The following UBAC2 variants were observed in gnomAD, a reference collection of about 807,000 sequenced individuals.
UBAC2 encodes UBA domain containing 2.
In UBAC2, 26 loss-of-function variants were observed where a neutral mutation model predicts 44.0. The ratio of observed to expected loss-of-function variants is 0.59; its 90% CI spans 0.43 to 0.82. The LOEUF (loss-of-function observed/expected upper bound fraction) is 0.82. Among genes scored for constraint, UBAC2 ranks in the 40% least tolerant of loss-of-function variants. The pLI, the probability that UBAC2 is intolerant of heterozygous loss-of-function variation, is 0.00. For missense variants in UBAC2, 329 were observed against 419.4 expected, an observed-to-expected ratio of 0.78 and a Z score of 1.88; for synonymous variants, 155 against 154.3, an observed-to-expected ratio of 1.00 and a Z score of -0.04.
At chr13:99,233,407 G>A (rs894642900) in intron 1 of UBAC2, among the ~76,000 whole-genome samples, 15 of 152,086 alleles carry the variant, frequency 9.9e-5, no homozygotes, top group African/African-American at 3.4e-4. Context: ...CACTGCACCC[G>A]GCCTCAGATT....
At chr13:99,345,597 C>T (rs1464321253) in intron 7 of UBAC2, among the ~76,000 whole-genome samples, 1 of 152,148 alleles carries the variant, frequency 6.6e-6, no homozygotes. Flanking sequence ...TTATTGAGCT[C>T]ATGGCTCCCA....
intron 4 of UBAC2, among the ~76,000 whole-genome samples, chr13:99,265,846 T>C (rs994163051): frequency 5.3e-5 from 8 of 152,274 alleles, no homozygotes; most frequent in African/African-American, 1.9e-4. Context: ...AATAGGTAGA[T>C]TGGGATTGGC....
At chr13:99,264,829 C>T (rs1014399766) in intron 4 of UBAC2, among the ~76,000 whole-genome samples, 2 of 152,174 alleles carry the variant, frequency 1.3e-5, no homozygotes, top group African/African-American at 2.4e-5. Context: ...AGCCTGAATG[C>T]GTCCAGGATG....
intron 4 of UBAC2, among the ~76,000 whole-genome samples, chr13:99,268,407 G>A (rs2043770959): frequency 6.6e-6 from 1 of 151,980 alleles, no homozygotes; most frequent in Non-Finnish European, 1.5e-5. Flanking sequence ...GAGTCCTGGA[G>A]ACCATCCTGG....
chr13:99,318,113 G>GT (rs754556701), intron 6 of UBAC2, 44 bp downstream of exon 6: 3 of 1,534,914 alleles, frequency 2.0e-6, no homozygotes, highest in Non-Finnish European at 2.7e-6. Context: ...TCTCTCTCCT[G>GT]TAAAAACATT....
At position 99,319,253 on chromosome 13, in the gene UBAC2, A is replaced by G. The variant is rs373505649; in HGVS notation, c.561+1184A>G. On this transcript the variant is annotated intron_variant, in intron 6 of 8. Transcript: ENST00000403766. Reference sequence around the variant, plus strand: ...TGAAGTGGAGTTTTATTCTTCATCCATGACTTAAATTTAAACCTCCAGATT... The same window carrying G: ...TGAAGTGGAGTTTTATTCTTCATCCGTGACTTAAATTTAAACCTCCAGATT... Among the ~76,000 whole-genome samples the G allele has an allele frequency of 2.4e-4, 36 of 152,348 alleles. No homozygotes were observed. The East Asian group carries it at 6.7e-3, about 29-fold the overall frequency.
intron 4 of UBAC2, among the ~76,000 whole-genome samples, chr13:99,287,628 C>CTTTT (rs1400158385): frequency 7.9e-6 from 1 of 127,050 alleles, no homozygotes; most frequent in Non-Finnish European, 1.7e-5. Flanking sequence ...TTTCTTTCTT[C>CTTTT]TTTTTTTTTT....
chr13:99,348,991 A>G (rs1014393476), intron 7 of UBAC2, among the ~76,000 whole-genome samples: 1 of 152,218 alleles, frequency 6.6e-6, no homozygotes, highest in African/African-American at 2.4e-5. Context: ...AAAAGGTGAC[A>G]CTAGAGGAAG....
rs1278632235 is a variant in UBAC2 at position 99,385,239 on chromosome 13, C to T, written c.939C>T (p.Leu313=). ...LEVSEEQVAR[L]MEMGFSRGDA... ...TTCTCTGCCTGCAGGTCGCCCGGCT[C>T]ATGGAGATGGGATTTTCCAGAGGTG... Residue 313 remains leucine (L), a synonymous_variant, in exon 9 of 9, where the codon CTC becomes CTT. Coordinates refer to ENST00000403766, the MANE Select transcript of UBAC2 (RefSeq NM_001144072.2). 7 of 1,614,010 alleles carry T rather than the reference C, an allele frequency of 4.3e-6. No individual in the cohort carries two copies. The highest frequency in any genetic ancestry group is 5.9e-6 in the Non-Finnish European group (7 of 1,180,008).
intron 4 of UBAC2, chr13:99,255,932 G>C: frequency 7.0e-7 from 1 of 1,419,968 alleles, no homozygotes; most frequent in East Asian, 2.4e-5. Flanking sequence ...AGAAAAATAA[G>C]AATAAAATCG....
At chr13:99,279,144 T>A (rs1351927930) in intron 4 of UBAC2, among the ~76,000 whole-genome samples, 1 of 152,124 alleles carries the variant, frequency 6.6e-6, no homozygotes, top group East Asian at 1.9e-4. Flanking sequence ...CTTTTCCCCC[T>A]TTTCTTACCC....
At chr13:99,216,834 C>CTTTTTTTTT (rs11338165) in intron 1 of UBAC2, among the ~76,000 whole-genome samples, 10,624 of 139,684 alleles carry the variant, frequency 0.076, 436 homozygotes, top group East Asian at 0.1. Context: ...TTTCTTTTTT[C>CTTTTTTTTT]TTTTTTTTTT....
At position 99,318,002 on chromosome 13, in the gene UBAC2, C is replaced by CTTTTTTTTTTTTTTTTTTTTT. The variant is rs761864458; in HGVS notation, c.514-10_514-9insTTTTTTTTTTTTTTTTTTTTT. On this transcript the variant is annotated intron_variant, in intron 5 of 8. Transcript: ENST00000403766. ...GCAGTTGAATTTTATTTTTAGTTGC[C>CTTTTTTTTTTTTTTTTTTTTT]TTTTTTTTTTCTTTTATAGCTTTTC... 1 of 1,412,126 alleles carries CTTTTTTTTTTTTTTTTTTTTT rather than the reference C, an allele frequency of 7.1e-7. No homozygotes were observed. The allele number at this position is 1,412,126 out of a possible 1,614,324, so 87.5% of individuals were successfully genotyped here. A position where few individuals can be genotyped will look rare whatever the true frequency, so the allele number is the denominator to read the frequency against.
intron 4 of UBAC2, among the ~76,000 whole-genome samples, chr13:99,293,382 G>A (rs1255812043): frequency 3.9e-5 from 6 of 152,240 alleles, no homozygotes; most frequent in African/African-American, 1.4e-4. Flanking sequence ...CTCCAGTGTA[G>A]TCACAGAACC....
chr13:99,351,840 G>A, intron 7 of UBAC2: 2 of 450,698 alleles, frequency 4.4e-6, no homozygotes, highest in Non-Finnish European at 9.0e-6. Flanking sequence ...TCATTGGGCT[G>A]CCCGGTGTTA....
chr13:99,288,415 G>A (rs1434975883), intron 4 of UBAC2, among the ~76,000 whole-genome samples: 1 of 152,158 alleles, frequency 6.6e-6, no homozygotes, highest in Non-Finnish European at 1.5e-5. Context: ...CATGCAGATA[G>A]ACAACAGCTT....
rs750343499 is a variant in UBAC2 at position 99,308,249 on chromosome 13, G to A, written c.390-5848G>A. On this transcript the variant is annotated intron_variant, in intron 4 of 8. Coordinates refer to ENST00000403766, the MANE Select transcript of UBAC2 (RefSeq NM_001144072.2). The stretch of plus-strand genomic sequence containing the variant: ...GCCACTTCTGGGTGCTGCTTTTTAC[G>A]AAGACATAGATAACACCTGTGGCAG... 4.5e-4 allele frequency among the ~76,000 whole-genome samples: 68 copies of A among 152,288 alleles called. 1 individual carries two copies. Among genetic ancestry groups the A allele is most frequent in the Non-Finnish European group, 8.8e-4 (60 of 68,022 alleles).
Position 99,251,421 on chromosome 13 carries a change from A to G in UBAC2, c.389+6797A>G, listed in dbSNP as rs185372449. ...TCTGGCACTGAGTCTTAGTAATTCAAAGTCCTAAATGAATATTCATCCCTT... is the reference window on the plus strand; with the variant it reads ...TCTGGCACTGAGTCTTAGTAATTCAGAGTCCTAAATGAATATTCATCCCTT... On this transcript the variant is annotated intron_variant, in intron 4 of 8. Coordinates refer to ENST00000403766, the MANE Select transcript of UBAC2 (RefSeq NM_001144072.2). Among the ~76,000 whole-genome samples the G allele has an allele frequency of 9.9e-5, 15 of 152,184 alleles. No homozygotes were observed. The East Asian group carries it at 2.7e-3, about 27-fold the overall frequency.
chr13:99,257,593 T>C (rs2043587290), intron 4 of UBAC2, among the ~76,000 whole-genome samples: 1 of 152,226 alleles, frequency 6.6e-6, no homozygotes, highest in South Asian at 2.1e-4. Flanking sequence ...CATTATAGTA[T>C]TGATTGTGCT....
Sources: allele counts gnomAD v4.1 joint callset (sites outside exome capture counted in the v4.1 genomes callset), GRCh38; gene constraint gnomAD v4.1.1; transcripts MANE v1.5; gene names NCBI Gene and HGNC (gene_info 2026-07-23, HGNC 2026-07-21).